The following UIMC1 variants were observed in gnomAD, a reference collection of about 807,000 sequenced individuals.
The protein encoded by UIMC1 is ubiquitin interaction motif containing 1.
Under a neutral mutation model 84.9 loss-of-function variants are expected in UIMC1, and 42 were observed. The observed-to-expected ratio is 0.49, with a 90% CI of 0.39 to 0.64. UIMC1 has a LOEUF of 0.64. Ranked by LOEUF, UIMC1 falls within the 30% of genes least tolerant of loss-of-function variation. The pLI, the probability that UIMC1 is intolerant of heterozygous loss-of-function variation, is 0.00. For missense variants in UIMC1, 825 were observed against 847.6 expected (o/e 0.97, Z 0.33); for synonymous variants, 281 against 293.0 (o/e 0.96, Z 0.42).
At position 176,934,886 on chromosome 5, in the gene UIMC1, T is replaced by C. The variant is rs138222226; in HGVS notation, c.1597+8449A>G. On this transcript the variant is annotated intron_variant, in intron 10 of 14. Coordinates refer to ENST00000511320, the MANE Select transcript of UIMC1 (RefSeq NM_001199298.2). ...TTGTCCCTTAAGAAGAGGCCATCTG[T>C]TGAACAGAGACCACTGGATTCAAAG... Among the ~76,000 whole-genome samples, 412 of 152,362 alleles carry C rather than the reference T, an allele frequency of 2.7e-3. 2 individuals are homozygous for C. Among genetic ancestry groups the C allele is most frequent in the Non-Finnish European group, 4.0e-3 (270 of 68,040 alleles).
At chr5:177,001,768 G>A (rs1244981685) in intron 1 of UIMC1, among the ~76,000 whole-genome samples, 1 of 148,870 alleles carries the variant, frequency 6.7e-6, no homozygotes, top group Non-Finnish European at 1.5e-5. Flanking sequence ...TGAAAACCCG[G>A]CTCTACTAAA....
At chr5:176,912,812 G>A (rs148452835) in intron 10 of UIMC1, among the ~76,000 whole-genome samples, 3,495 of 151,940 alleles carry the variant, frequency 0.023, 128 homozygotes, top group African/African-American at 0.079. Context: ...ATTTACAGGC[G>A]CCCGCCACGA....
intron 9 of UIMC1, 52 bp from the exon 10 acceptor site, chr5:176,943,540 C>G: frequency 6.3e-7 from 1 of 1,583,504 alleles, no homozygotes. Flanking sequence ...ATATCATTCC[C>G]TACAACGAAC....
intron 1 of UIMC1, among the ~76,000 whole-genome samples, chr5:176,998,675 G>C (rs999715495): frequency 6.6e-6 from 1 of 151,946 alleles, no homozygotes; most frequent in African/African-American, 2.4e-5. Context: ...GCTGAGGCAG[G>C]AGAATCGCTT....
At chr5:176,992,633 TAAA>T (rs11417814) in intron 1 of UIMC1, among the ~76,000 whole-genome samples, 3 of 147,238 alleles carry the variant, frequency 2.0e-5, no homozygotes, top group African/African-American at 7.5e-5. Context: ...CTTGTCTCTA[TAAA>T]AAAAAAAAAA....
rs1437664131 is a variant in UIMC1 at position 176,905,382 on chromosome 5, T to G, written c.2060A>C (p.Glu687Ala). The G allele has an allele frequency of 6.2e-7, 1 of 1,614,072 alleles. No individual in the cohort carries two copies. The highest frequency in any genetic ancestry group is 1.3e-5 in the African/African-American group (1 of 74,928). The change falls in exon 15 of 15, where the codon GAA becomes GCA. Residue 687 changes from glutamate to alanine, a missense_variant. By Grantham distance (107) the Glu-to-Ala change is moderately radical. Transcript: ENST00000511320. ...SPVKSFVSIS[E>A]ATDCLVDFKK... ...AAAGTCCACTAAGCAATCTGTGGCT[T>G]CTGAAATGGAAACAAAAGACTTGAC...
chr5:176,916,461 A>G (rs546702158), intron 10 of UIMC1, among the ~76,000 whole-genome samples: 1 of 152,318 alleles, frequency 6.6e-6, no homozygotes, highest in Admixed American at 6.5e-5. Flanking sequence ...AAGGGCACTC[A>G]CTGGCTTTAG....
intron 10 of UIMC1, among the ~76,000 whole-genome samples, chr5:176,914,669 A>C (rs1298872231): frequency 1.3e-5 from 2 of 152,234 alleles, no homozygotes; most frequent in African/African-American, 4.8e-5. Flanking sequence ...GGAATACTTG[A>C]AGACTGGAAG....
At chr5:176,989,435 G>A (rs1561896942) in intron 1 of UIMC1, among the ~76,000 whole-genome samples, 1 of 151,406 alleles carries the variant, frequency 6.6e-6, no homozygotes, top group African/African-American at 2.4e-5. Flanking sequence ...CAAGGTGAGA[G>A]GATCATCTGA....
At chr5:176,971,734 C>A (rs1183449249) in intron 3 of UIMC1, among the ~76,000 whole-genome samples, 1 of 151,752 alleles carries the variant, frequency 6.6e-6, no homozygotes, top group African/African-American at 2.4e-5. Flanking sequence ...CATGGTGAAA[C>A]CCTGTCTCTA....
chr5:176,940,451 A>G (rs149432490), intron 10 of UIMC1, among the ~76,000 whole-genome samples: 1,627 of 152,264 alleles, frequency 0.011, 10 homozygotes, highest in South Asian at 0.025. Flanking sequence ...TTGATGTTGT[A>G]TTGAATAAGT....
rs1012083094 is a variant in UIMC1 at position 176,963,522 on chromosome 5, A to T, written c.1200+5033T>A. ...GGTGACAGAGTGAAACTCCATCTTT[A>T]AAAAAAAAAAAAAAAAAGTGAAAAT... On this transcript the variant is annotated intron_variant, in intron 6 of 14. Coordinates refer to ENST00000511320, the MANE Select transcript of UIMC1 (RefSeq NM_001199298.2). Among the ~76,000 whole-genome samples the T allele has an allele frequency of 5.6e-3, 611 of 109,438 alleles. 7 individuals carry two copies. The highest frequency in any genetic ancestry group is 0.03 in the African/African-American group (555 of 18,318). 71.8% of individuals were successfully genotyped at this position (109,438 alleles called of 152,430 possible).
At chr5:176,915,323 G>A (rs1014255683) in intron 10 of UIMC1, among the ~76,000 whole-genome samples, 2 of 149,938 alleles carry the variant, frequency 1.3e-5, no homozygotes, top group African/African-American at 4.9e-5. Context: ...GAATTAAACT[G>A]TATCAATAGA....
In UIMC1 at chr5:176,905,402, C is replaced by T. The variant is rs774877258; in HGVS notation, c.2040G>A (p.Lys680=). 3.7e-6 allele frequency: 6 copies of T among 1,614,134 alleles called. No homozygotes were observed. Among genetic ancestry groups the T allele is most frequent in the Non-Finnish European group, 5.1e-6 (6 of 1,180,006 alleles). Reference sequence around the variant, plus strand: ...TGGCTTCTGAAATGGAAACAAAAGACTTGACGGGAGATTCATTTAAGTCAC... The same window carrying T: ...TGGCTTCTGAAATGGAAACAAAAGATTTGACGGGAGATTCATTTAAGTCAC... ...TRRDLNESPV[K]SFVSISEATD... The change falls in exon 15 of 15, where the codon AAG becomes AAA. Residue 680 remains lysine, a synonymous_variant. Transcript: ENST00000511320.
chr5:177,005,063 T>C (rs777666629), intron 1 of UIMC1, among the ~76,000 whole-genome samples: 2 of 148,900 alleles, frequency 1.3e-5, no homozygotes, highest in Non-Finnish European at 3.0e-5. Flanking sequence ...CCCAGCTAAT[T>C]TTTTTTTTTT....
intron 10 of UIMC1, among the ~76,000 whole-genome samples, chr5:176,913,477 T>G (rs1760528083): frequency 6.6e-6 from 1 of 152,362 alleles, no homozygotes; most frequent in South Asian, 2.1e-4. Context: ...TTAATATGTG[T>G]AGCACCCCAA....
rs866399998 is a variant in UIMC1 at position 177,019,484 on chromosome 5, T to A, written c.-9+2980A>T. On this transcript the variant is annotated intron_variant, in intron 1 of 5. Coordinates refer to the UIMC1 transcript ENST00000509236. ...AACCCTGTCTCTACAAAAAAAAAAT[T>A]TTTTTTAATTAGCTGGGCATGTTGG... Among the ~76,000 whole-genome samples the A allele has an allele frequency of 9.1e-4, 137 of 151,034 alleles. 1 individual carries two copies. In the Middle Eastern group the frequency reaches 0.014, roughly 15 times the overall value.
At chr5:176,946,878 G>A (rs1168342372) in intron 9 of UIMC1, among the ~76,000 whole-genome samples, 1 of 152,152 alleles carries the variant, frequency 6.6e-6, no homozygotes, top group Non-Finnish European at 1.5e-5. Flanking sequence ...GCAGAAGGAT[G>A]GCAGGGGGGT....
chr5:176,965,331 G>A (rs1768120760), intron 6 of UIMC1, among the ~76,000 whole-genome samples: 3 of 151,618 alleles, frequency 2.0e-5, no homozygotes, highest in Admixed American at 2.0e-4. Context: ...GCTGAGGCAG[G>A]AGAATGCGTG....
Sources: allele counts gnomAD v4.1 joint callset (sites outside exome capture counted in the v4.1 genomes callset), GRCh38; gene constraint gnomAD v4.1.1; transcripts MANE v1.5; gene names NCBI Gene and HGNC (gene_info 2026-07-23, HGNC 2026-07-21).